BAZ2B: variants seen among roughly 807,000 people sequenced by gnomAD.
BAZ2B encodes bromodomain adjacent to zinc finger domain 2B, also known as bromodomain adjacent to zinc finger domain protein 2B.
Under a neutral mutation model 246.0 loss-of-function variants are expected in BAZ2B, and 91 were observed. The observed-to-expected ratio is 0.37, with a 90% confidence interval of 0.31 to 0.44. The LOEUF (loss-of-function observed/expected upper bound fraction) is 0.44. Ranked by LOEUF, BAZ2B falls within the 20% of genes least tolerant of loss-of-function variation. BAZ2B has a pLI of 1.00. For synonymous variants in BAZ2B, 855 were observed against 860.0 expected, an observed-to-expected ratio of 0.99 and a Z score of 0.10; for missense variants, 2,332 against 2,533.7, an observed-to-expected ratio of 0.92 and a Z score of 1.71.
At chr2:159,584,892 T>C (rs1009489869) in intron 1 of BAZ2B, among the ~76,000 whole-genome samples, 2 of 152,180 alleles carry the variant, frequency 1.3e-5, no homozygotes, top group African/African-American at 2.4e-5. Context: ...GTATAGCACC[T>C]GGCCCTCTCT....
the BAZ2B span, among the ~76,000 whole-genome samples, chr2:159,626,434 C>G: frequency 6.6e-6 from 1 of 152,116 alleles, no homozygotes; most frequent in African/African-American, 2.4e-5. Flanking sequence ...TAAAACACTC[C>G]TCAGCAAATG....
intron 20 of BAZ2B, among the ~76,000 whole-genome samples, chr2:159,393,023 C>A (rs948849805): frequency 1.5e-5 from 2 of 135,908 alleles, no homozygotes; most frequent in Non-Finnish European, 3.2e-5. Context: ...TAACATTTGA[C>A]TGATGACTGA....
At chr2:159,406,681 C>T (rs191874930) in intron 14 of BAZ2B, among the ~76,000 whole-genome samples, 22 of 152,272 alleles carry the variant, frequency 1.4e-4, no homozygotes, top group African/African-American at 4.8e-4. Flanking sequence ...ATTGCTAACA[C>T]GTGAATCACT....
At chr2:159,381,576 C>G (rs1454695688) in intron 25 of BAZ2B, among the ~76,000 whole-genome samples, 1 of 152,162 alleles carries the variant, frequency 6.6e-6, no homozygotes, top group Non-Finnish European at 1.5e-5. Context: ...GCTCTAGTTT[C>G]TACCCCTCAC....
chr2:159,577,525 A>G (rs1454122376), intron 1 of BAZ2B, among the ~76,000 whole-genome samples: 1 of 152,226 alleles, frequency 6.6e-6, no homozygotes, highest in Non-Finnish European at 1.5e-5. Context: ...GAACTAAAAG[A>G]GGATACCAGT....
At chr2:159,537,985 G>A (rs1012479461) in intron 2 of BAZ2B, among the ~76,000 whole-genome samples, 11 of 151,982 alleles carry the variant, frequency 7.2e-5, no homozygotes, top group African/African-American at 2.4e-4. Context: ...AATACTATGT[G>A]CAATTAACTT....
the BAZ2B span, among the ~76,000 whole-genome samples, chr2:159,692,148 T>A: frequency 6.6e-6 from 1 of 151,452 alleles, no homozygotes; most frequent in African/African-American, 2.4e-5. Context: ...ATACCTAACT[T>A]TTTCTTAATT....
upstream of BAZ2B, among the ~76,000 whole-genome samples, chr2:159,621,520 T>TATAAAACC (rs753785471): frequency 7.9e-5 from 12 of 152,278 alleles, no homozygotes; most frequent in Non-Finnish European, 1.5e-4. Context: ...ACTAAAGCAT[T>TATAAAACC]ATAAAACCTT....
At chr2:159,440,745 A>G (rs1181534791) in intron 6 of BAZ2B, among the ~76,000 whole-genome samples, 1 of 151,802 alleles carries the variant, frequency 6.6e-6, no homozygotes, top group Non-Finnish European at 1.5e-5. Context: ...TCCTAACCTC[A>G]TGATGCACCC....
At chr2:159,549,916 C>A (rs965598639) in intron 2 of BAZ2B, among the ~76,000 whole-genome samples, 5 of 151,578 alleles carry the variant, frequency 3.3e-5, no homozygotes, top group African/African-American at 1.2e-4. Context: ...CTCCGCCTCC[C>A]GAGTTCAAGC....
chr2:159,372,475 T>G (rs1053441564), intron 27 of BAZ2B, among the ~76,000 whole-genome samples: 1 of 152,242 alleles, frequency 6.6e-6, no homozygotes, highest in African/African-American at 2.4e-5. Flanking sequence ...CATAATGCAC[T>G]CTGCTAGTTA....
chr2:159,698,370 A>C, the BAZ2B span, among the ~76,000 whole-genome samples: 1 of 151,822 alleles, frequency 6.6e-6, no homozygotes, highest in African/African-American at 2.4e-5. Flanking sequence ...AAAAATAAAA[A>C]ATTAGCTGGG....
chr2:159,481,235 T>C (rs930931207), intron 2 of BAZ2B, among the ~76,000 whole-genome samples: 1 of 152,046 alleles, frequency 6.6e-6, no homozygotes, highest in Admixed American at 6.6e-5. Flanking sequence ...CAAGAAATCC[T>C]GGCCATCAAC....
At chr2:159,367,432 A>AT (rs1409765417) in intron 27 of BAZ2B, among the ~76,000 whole-genome samples, 2 of 152,094 alleles carry the variant, frequency 1.3e-5, no homozygotes, top group South Asian at 2.1e-4. Context: ...TTTAATTAAT[A>AT]TTTTTCTGTG....
chr2:159,667,373 A>ATCACTT, the BAZ2B span, among the ~76,000 whole-genome samples: 4 of 152,030 alleles, frequency 2.6e-5, no homozygotes, highest in African/African-American at 9.7e-5. Flanking sequence ...AGGCAGGTGG[A>ATCACTT]TCACTTGAGG....
intron 1 of BAZ2B, among the ~76,000 whole-genome samples, chr2:159,576,927 A>AAAAAAAAAAAGG (rs1335512484): frequency 1.3e-5 from 2 of 149,110 alleles, no homozygotes; most frequent in African/African-American, 4.9e-5. Flanking sequence ...AAAAAAAAAA[A>AAAAAAAAAAAGG]AAAAAAAGGA....
chr2:159,557,185 G>A (rs1465417123), intron 1 of BAZ2B, among the ~76,000 whole-genome samples: 2 of 148,348 alleles, frequency 1.3e-5, no homozygotes, highest in Admixed American at 6.7e-5. Flanking sequence ...AGTAGCTGGG[G>A]ACTACAGGTG....
At chr2:159,652,978 C>T in the BAZ2B span, among the ~76,000 whole-genome samples, 1 of 151,290 alleles carries the variant, frequency 6.6e-6, no homozygotes, top group Non-Finnish European at 1.5e-5. Flanking sequence ...CACTCTGTCA[C>T]ACAGGCTGGA....
chr2:159,439,694 G>A (rs1323526161), intron 6 of BAZ2B, among the ~76,000 whole-genome samples: 2 of 152,162 alleles, frequency 1.3e-5, no homozygotes, highest in Non-Finnish European at 2.9e-5. Context: ...ACTAGTGCTG[G>A]TGATAGGGGA....
Sources: gnomAD v4.1 joint callset for allele counts (sites outside exome capture counted in the v4.1 genomes callset) on GRCh38, gnomAD v4.1.1 for gene constraint, MANE v1.5 for transcripts, NCBI Gene and HGNC (gene_info 2026-07-23, HGNC 2026-07-21) for gene names.